Variants in SNIP1 observed in about 807,000 individuals in gnomAD.
SNIP1 encodes smad nuclear-interacting protein 1.
SNIP1 carries 23 observed loss-of-function variants against 37.4 expected under a neutral mutation model. The ratio of observed to expected loss-of-function variants is 0.61; its 90% CI spans 0.44 to 0.87. The LOEUF is 0.87. Ranked by LOEUF, SNIP1 falls within the 40% of genes least tolerant of loss-of-function variation. SNIP1 has a pLI of 0.00. For synonymous variants in SNIP1, 174 were observed against 200.0 expected (o/e 0.87, Z 1.10); for missense variants, 459 against 540.4 (o/e 0.85, Z 1.49).
At chr1:37,546,268 G>A (rs1488927780) in intron 2 of SNIP1, among the ~76,000 whole-genome samples, 1 of 151,588 alleles carries the variant, frequency 6.6e-6, no homozygotes, top group Non-Finnish European at 1.5e-5. Flanking sequence ...GAGAGCCTCA[G>A]ACAACCACCC....
chr1:37,536,622 T>C lies in SNIP1; in HGVS notation c.*1126A>G, dbSNP rs903926243. On this transcript the variant is annotated 3_prime_UTR_variant, in exon 4 of 4. Transcript: ENST00000296215. ...CTTCAAATGCAGGGAGGCCTTTGCCTAACATTGTCATATGAAAATCAGTAT... is the reference window on the plus strand; with the variant it reads ...CTTCAAATGCAGGGAGGCCTTTGCCCAACATTGTCATATGAAAATCAGTAT... 2.0e-5 allele frequency: 3 copies of C among 152,578 alleles called. No homozygotes were observed. The highest frequency in any genetic ancestry group is 7.2e-5 in the African/African-American group (3 of 41,448). The allele number at this position is 152,578 out of a possible 1,614,324, so 9.5% of individuals were successfully genotyped here.
chr1:37,548,232 AC>A (rs999867719), intron 2 of SNIP1, among the ~76,000 whole-genome samples: 5 of 151,454 alleles, frequency 3.3e-5, no homozygotes, highest in African/African-American at 1.2e-4. Flanking sequence ...CCTTCTGTAT[AC>A]TTTAAATCAT....
chr1:37,547,425 A>AT (rs1643253444), intron 2 of SNIP1, among the ~76,000 whole-genome samples: 2 of 152,178 alleles, frequency 1.3e-5, no homozygotes, highest in African/African-American at 4.8e-5. Context: ...CATGTAATCA[A>AT]TACATTTGTT....
In SNIP1 at chr1:37,536,239, C is replaced by T. The variant is rs1002090131; in HGVS notation, c.*1509G>A. On this transcript the variant is annotated 3_prime_UTR_variant, in exon 4 of 4. Coordinates refer to ENST00000296215, the MANE Select transcript of SNIP1 (RefSeq NM_024700.4). ...TAGCCAATCTTTAGCCCTGAGCACA[C>T]ATGGGTATAAAAACAATGGAAAACA... 6.6e-6 allele frequency: 1 copy of T among 152,212 alleles called. No individual in the cohort carries two copies. The highest frequency in any genetic ancestry group is 1.5e-5 in the Non-Finnish European group (1 of 68,036). 9.4% of individuals were successfully genotyped at this position (152,212 alleles called of 1,614,324 possible).
chr1:37,553,506 G>GGCA (rs1643326847), intron 1 of SNIP1, among the ~76,000 whole-genome samples: 1 of 152,118 alleles, frequency 6.6e-6, no homozygotes, highest in Non-Finnish European at 1.5e-5. Flanking sequence ...CAATACCTAG[G>GGCA]GCAGTCTTTA....
intron 1 of SNIP1, 55 bp downstream of exon 1, chr1:37,553,951 C>T: frequency 6.5e-7 from 1 of 1,530,176 alleles, no homozygotes; most frequent in South Asian, 1.2e-5. Context: ...TAGCCCTGCC[C>T]GCCTTTCTGA....
chr1:37,542,307 G>C (rs1021161615), intron 2 of SNIP1, among the ~76,000 whole-genome samples: 20 of 152,174 alleles, frequency 1.3e-4, no homozygotes, highest in African/African-American at 4.8e-4. Context: ...AAGTGACTCA[G>C]GATAGTGACC....
rs960700173 is a variant in SNIP1, at chr1:37,536,257, G to C, written c.*1491C>G. On this transcript the variant is annotated 3_prime_UTR_variant, in exon 4 of 4. Coordinates refer to ENST00000296215, the MANE Select transcript of SNIP1 (RefSeq NM_024700.4). ...GAGCACACATGGGTATAAAAACAAT[G>C]GAAAACAATCAAATTTAATAGTATC... The C allele has an allele frequency of 2.6e-5, 4 of 152,138 alleles. No homozygotes were observed. The highest frequency in any genetic ancestry group is 9.7e-5 in the African/African-American group (4 of 41,428). The allele number at this position is 152,138 out of a possible 1,614,324, so 9.4% of individuals were successfully genotyped here. A position where few individuals can be genotyped will look rare whatever the true frequency, so the allele number is the denominator to read the frequency against.
chr1:37,550,984 A>G (rs1643293298), intron 2 of SNIP1, among the ~76,000 whole-genome samples: 1 of 150,674 alleles, frequency 6.6e-6, no homozygotes, highest in African/African-American at 2.5e-5. Flanking sequence ...AATCCCAGCT[A>G]CTCAGGAGGC....
rs111280811 is a variant in SNIP1, at chr1:37,545,145, C to A, written c.328-4390G>T. 894 of 734,470 alleles carry A rather than the reference C, an allele frequency of 1.2e-3. 6 individuals are homozygous for A. The African/African-American group carries it at 0.013, about 11-fold the overall frequency. 45.5% of individuals were successfully genotyped at this position (734,470 alleles called of 1,614,324 possible). ...GACAAAATTACCCCCATTTGTGTGACTTCACTGAAACACATTACCTGAATG... is the reference window on the plus strand; with the variant it reads ...GACAAAATTACCCCCATTTGTGTGAATTCACTGAAACACATTACCTGAATG... On this transcript the variant is annotated intron_variant, in intron 2 of 3. Coordinates refer to ENST00000296215, the MANE Select transcript of SNIP1 (RefSeq NM_024700.4).
At chr1:37,546,145 A>ACCCCGCCCCCCCCCCCCCCC (rs1643233385) in intron 2 of SNIP1, among the ~76,000 whole-genome samples, 1 of 124,924 alleles carries the variant, frequency 8.0e-6, no homozygotes, top group Non-Finnish European at 1.7e-5. Context: ...TGGGACTAAG[A>ACCCCGCCCCCCCCCCCCCCC]CCCCCCCCCC....
intron 2 of SNIP1, among the ~76,000 whole-genome samples, chr1:37,551,673 G>A (rs1342372507): frequency 6.6e-6 from 1 of 152,064 alleles, no homozygotes. Context: ...TTTTTTTCAG[G>A]AGATTCCAAA....
intron 3 of SNIP1, among the ~76,000 whole-genome samples, chr1:37,538,455 G>C (rs1643125864): frequency 7.0e-6 from 1 of 143,002 alleles, no homozygotes; most frequent in East Asian, 2.2e-4. Flanking sequence ...GTTGCAGTGA[G>C]CCGAGATCAC....
intron 2 of SNIP1, among the ~76,000 whole-genome samples, chr1:37,547,971 C>T (rs896118632): frequency 2.4e-4 from 36 of 151,238 alleles, no homozygotes; most frequent in African/African-American, 8.3e-4. Flanking sequence ...ATAGTGAAAC[C>T]CTGTCTCTAC....
intron 2 of SNIP1, chr1:37,544,875 A>C (rs1194940138): frequency 1.0e-6 from 1 of 976,986 alleles, no homozygotes; most frequent in African/African-American, 1.6e-5. Context: ...TACTACTTTG[A>C]CCACAATGAT....
chr1:37,549,092 A>C (rs549986627), intron 2 of SNIP1: 1 of 148,332 alleles, frequency 6.7e-6, no homozygotes, highest in East Asian at 1.9e-4. Context: ...AATCCCAAGT[A>C]ATCTTAAAAA....
At chr1:37,538,089 G>A in intron 3 of SNIP1, 77 bp from the exon 4 acceptor site, 1 of 1,468,146 alleles carries the variant, frequency 6.8e-7, no homozygotes, top group Admixed American at 2.5e-5. Context: ...TCTTTGCTAA[G>A]ATAGCCTAGA....
chr1:37,537,551 C>A lies in SNIP1; in HGVS notation c.*197G>T, dbSNP rs1286516751. ...CTGCAGGCATGTGGCCAAGGTGCCACAGAAAAAGTTTAACAAACATTAGTC... is the reference window on the plus strand; with the variant it reads ...CTGCAGGCATGTGGCCAAGGTGCCAAAGAAAAAGTTTAACAAACATTAGTC... On this transcript the variant is annotated 3_prime_UTR_variant, in exon 4 of 4. Coordinates refer to ENST00000296215, the MANE Select transcript of SNIP1 (RefSeq NM_024700.4). The A allele has an allele frequency of 1.6e-5, 9 of 576,992 alleles. No homozygotes were observed. Among genetic ancestry groups the A allele is most frequent in the Non-Finnish European group, 2.7e-5 (9 of 338,102 alleles). 35.7% of individuals were successfully genotyped at this position (576,992 alleles called of 1,614,324 possible).
chr1:37,547,802 A>C (rs1354717204), intron 2 of SNIP1, among the ~76,000 whole-genome samples: 2 of 151,998 alleles, frequency 1.3e-5, no homozygotes, highest in Non-Finnish European at 2.9e-5. Context: ...GAATAAAGTA[A>C]TCATTTGGTA....
Sources: gnomAD v4.1 joint callset for allele counts (sites outside exome capture counted in the v4.1 genomes callset) on GRCh38, gnomAD v4.1.1 for gene constraint, MANE v1.5 for transcripts, NCBI Gene and HGNC (gene_info 2026-07-23, HGNC 2026-07-21) for gene names.